Variants in SRGAP1 observed in about 807,000 individuals in gnomAD.
SRGAP1 encodes the protein SLIT-ROBO Rho GTPase activating protein 1.
SRGAP1 carries 43 observed loss-of-function variants against 121.9 expected under a neutral mutation model. That is an observed-to-expected ratio of 0.35 (90% CI 0.28 to 0.46). SRGAP1 has a LOEUF of 0.46. Among genes scored for constraint, SRGAP1 ranks in the 20% least tolerant of loss-of-function variants. The probability of loss-of-function intolerance (pLI) is 1.00; values close to 1 mark genes in which losing one functional copy is unlikely to be tolerated. For synonymous variants in SRGAP1, 447 were observed against 485.4 expected (o/e 0.92, Z 1.04); for missense variants, 1,102 against 1,350.9 (o/e 0.82, Z 2.89).
intron 21 of SRGAP1, among the ~76,000 whole-genome samples, chr12:64,140,525 A>G (rs1315259130): frequency 6.6e-6 from 1 of 152,072 alleles, no homozygotes; most frequent in Non-Finnish European, 1.5e-5. Context: ...GAGTTCACTC[A>G]TGATTTGGCT....
At chr12:64,033,721 G>A (rs7312345) in intron 4 of SRGAP1, among the ~76,000 whole-genome samples, 61,405 of 151,610 alleles carry the variant, frequency 0.41, 12,920 homozygotes, top group Non-Finnish European at 0.48. Flanking sequence ...CCATCTAAAT[G>A]AAATAAATAA....
intron 1 of SRGAP1, among the ~76,000 whole-genome samples, chr12:63,873,696 T>TTG (rs1899933844): frequency 1.3e-5 from 2 of 151,644 alleles, no homozygotes; most frequent in Non-Finnish European, 1.5e-5. Context: ...TGAGATGGAG[T>TTG]CTCACCCTGT....
At chr12:64,095,472 G>T (rs1407348827) in intron 14 of SRGAP1, among the ~76,000 whole-genome samples, 2 of 152,130 alleles carry the variant, frequency 1.3e-5, no homozygotes, top group African/African-American at 4.8e-5. Context: ...CAAATGTGGG[G>T]CCGAAAGAGT....
At chr12:63,892,806 G>A (rs761548093) in intron 1 of SRGAP1, among the ~76,000 whole-genome samples, 3 of 152,222 alleles carry the variant, frequency 2.0e-5, no homozygotes, top group Non-Finnish European at 2.9e-5. Context: ...GCCTCAATTC[G>A]GAGTGCGAAA....
Position 64,043,520 on chromosome 12 carries a change from C to T in SRGAP1, c.746C>T (p.Ala249Val), listed in dbSNP as rs2136507023. ...ARNEYLLTLE[A>V]TNASVFKYYI... ...AACGAATATCTCCTAACACTTGAAG[C>T]CACCAATGCCTCAGTTTTCAAGTAC... Residue 249 changes from alanine (A) to valine (V), a missense_variant, in exon 6 of 22, where the codon GCC becomes GTC. Transcript: ENST00000355086. The T allele has an allele frequency of 3.1e-6, 5 of 1,611,908 alleles. No individual in the cohort carries two copies. The East Asian group carries it at 1.1e-4, about 36-fold the overall frequency.
intron 1 of SRGAP1, among the ~76,000 whole-genome samples, chr12:63,949,168 ATATTTTTTCCATATATATT>A (rs2032187500): frequency 8.7e-6 from 1 of 114,980 alleles, no homozygotes; most frequent in African/African-American, 3.3e-5. Flanking sequence ...TTCCATATAT[ATATTTTTTCCATATATATT>A]TTTTTTTCCA....
chr12:63,869,576 C>G (rs1296239893), intron 1 of SRGAP1, among the ~76,000 whole-genome samples: 2 of 152,180 alleles, frequency 1.3e-5, no homozygotes, highest in African/African-American at 4.8e-5. Context: ...TCTCACAAGT[C>G]TTCCATAACT....
At chr12:63,904,495 G>A (rs185490116) in intron 1 of SRGAP1, among the ~76,000 whole-genome samples, 1 of 152,282 alleles carries the variant, frequency 6.6e-6, no homozygotes, top group East Asian at 1.9e-4. Context: ...AAATAACTAG[G>A]TTTTATTCTC....
At chr12:64,125,330 A>G (rs2036670394) in intron 18 of SRGAP1, among the ~76,000 whole-genome samples, 1 of 152,210 alleles carries the variant, frequency 6.6e-6, no homozygotes. Flanking sequence ...AGGGCAATTT[A>G]AGGCATATTT....
intron 8 of SRGAP1, among the ~76,000 whole-genome samples, chr12:64,072,874 G>C (rs150988695): frequency 7.6e-4 from 116 of 152,290 alleles, no homozygotes; most frequent in African/African-American, 2.6e-3. Flanking sequence ...GTCCACAAAA[G>C]TCCACAGAAG....
chr12:64,034,027 CAATA>C (rs890660746), intron 4 of SRGAP1, among the ~76,000 whole-genome samples: 3 of 152,000 alleles, frequency 2.0e-5, no homozygotes, highest in African/African-American at 7.2e-5. Context: ...GACTCTGTCT[CAATA>C]AATAAATAAA....
In SRGAP1 at chr12:64,078,516, C is replaced by G. The variant is rs150429305; in HGVS notation, c.1126-403C>G. The stretch of plus-strand genomic sequence containing the variant: ...GGTAATTGGGAGAGGCACAAGCAGT[C>G]TCATAATATACTTTTTCTTGGTCTG... On this transcript the variant is annotated intron_variant, in intron 8 of 21. Transcript: ENST00000355086. Among the ~76,000 whole-genome samples the G allele has an allele frequency of 7.2e-5, 11 of 152,296 alleles. No individual in the cohort carries two copies. In the East Asian group the frequency reaches 2.1e-3, roughly 29 times the overall value.
chr12:63,859,241 A>G (rs1017808696), intron 1 of SRGAP1, among the ~76,000 whole-genome samples: 3 of 151,870 alleles, frequency 2.0e-5, no homozygotes, highest in African/African-American at 7.3e-5. Context: ...GCTCATTGCA[A>G]CCGCCACCTC....
At chr12:64,013,551 T>C (rs1344774078) in intron 3 of SRGAP1, among the ~76,000 whole-genome samples, 1 of 152,196 alleles carries the variant, frequency 6.6e-6, no homozygotes, top group East Asian at 1.9e-4. Flanking sequence ...TGGTGCTGTG[T>C]CATGAGGATA....
intron 1 of SRGAP1, among the ~76,000 whole-genome samples, chr12:63,913,470 TATATATGG>T (rs1282786015): frequency 2.8e-5 from 3 of 107,628 alleles, no homozygotes; most frequent in Non-Finnish European, 3.7e-5. Flanking sequence ...TATATATATA[TATATATGG>T]ATATATATAT....
intron 1 of SRGAP1, among the ~76,000 whole-genome samples, chr12:63,874,681 A>G (rs1020861668): frequency 8.5e-5 from 13 of 152,132 alleles, no homozygotes; most frequent in African/African-American, 2.4e-4. Flanking sequence ...TTATTTTCCA[A>G]ATTTCCTATA....
Position 64,145,531 on chromosome 12 carries a change from C to T in SRGAP1, c.*2859C>T, listed in dbSNP as rs569118929. ...CTTTACCTGTCTCCATCTTATTTCC[C>T]TATACTCCTATTGTCAGCTTGAGAC... On this transcript the variant is annotated 3_prime_UTR_variant, in exon 22 of 22. Transcript: ENST00000355086. 5.9e-5 allele frequency: 9 copies of T among 152,122 alleles called. No homozygotes were observed. Among genetic ancestry groups the T allele is most frequent in the Non-Finnish European group, 1.3e-4 (9 of 68,076 alleles). The allele number at this position is 152,122 out of a possible 1,614,324, so 9.4% of individuals were successfully genotyped here. A position where few individuals can be genotyped will look rare whatever the true frequency, so the allele number is the denominator to read the frequency against.
intron 8 of SRGAP1, among the ~76,000 whole-genome samples, chr12:64,075,073 G>A (rs927975205): frequency 3.9e-5 from 6 of 152,128 alleles, no homozygotes; most frequent in Non-Finnish European, 5.9e-5. Flanking sequence ...AAAGACACAC[G>A]CACAGAAATA....
Position 64,160,368 on chromosome 12 carries a change from G to C in SRGAP1, c.*17696G>C, listed in dbSNP as rs1025178242. The C allele has an allele frequency of 6.6e-6, 1 of 152,188 alleles. No homozygotes were observed. Among genetic ancestry groups the C allele is most frequent in the African/African-American group, 2.4e-5 (1 of 41,442 alleles). 9.4% of individuals were successfully genotyped at this position (152,188 alleles called of 1,614,324 possible). ...CTTTATCTCACATGTAATTGTGATA[G>C]TCTGGCTGAGTATAAAATCTTACTT... On this transcript the variant is annotated 3_prime_UTR_variant, in exon 22 of 22. Coordinates refer to ENST00000355086, the MANE Select transcript of SRGAP1 (RefSeq NM_020762.4).
Sources: allele counts gnomAD v4.1 joint callset (sites outside exome capture counted in the v4.1 genomes callset), GRCh38; gene constraint gnomAD v4.1.1; transcripts MANE v1.5; gene names NCBI Gene and HGNC (gene_info 2026-07-23, HGNC 2026-07-21).